PCID2: variants seen among roughly 807,000 people sequenced by gnomAD.
PCID2 encodes the protein PCI domain containing 2.
PCID2 carries 41 observed loss-of-function variants against 61.3 expected under a neutral mutation model. That is an observed-to-expected ratio of 0.67 (90% CI 0.52 to 0.87). The LOEUF (loss-of-function observed/expected upper bound fraction) is 0.87. Ranked by LOEUF, PCID2 falls within the 40% of genes least tolerant of loss-of-function variation. The pLI, the probability that PCID2 is intolerant of heterozygous loss-of-function variation, is 0.00. For missense variants in PCID2, 392 were observed against 493.4 expected, an observed-to-expected ratio of 0.79 and a Z score of 1.95; for synonymous variants, 187 against 177.8, an observed-to-expected ratio of 1.05 and a Z score of -0.41.
chr13:113,207,891 T>C lies in PCID2; in HGVS notation c.36+708A>G. Reference sequence around the variant, plus strand: ...TTGGTAATGTTTCCTTCAAATATTTTAAAAATCCATTCCCTATATTTCCTA... The same window carrying C: ...TTGGTAATGTTTCCTTCAAATATTTCAAAAATCCATTCCCTATATTTCCTA... On this transcript the variant is annotated intron_variant, in intron 1 of 13. Transcript: ENST00000337344. 3.6e-6 allele frequency: 3 copies of C among 822,874 alleles called. No homozygotes were observed. In the South Asian group the frequency reaches 4.3e-5, roughly 12 times the overall value. 51.0% of individuals were successfully genotyped at this position (822,874 alleles called of 1,614,324 possible). A position where few individuals can be genotyped will look rare whatever the true frequency, so the allele number is the denominator to read the frequency against.
At chr13:113,174,187 G>A (rs557211269), downstream of PCID2, among the ~76,000 whole-genome samples, 5 of 150,944 alleles carry the variant, frequency 3.3e-5, no homozygotes, top group Non-Finnish European at 7.4e-5. Context: ...GCAGTAAACC[G>A]AGATCATGCC....
Position 113,208,636 on chromosome 13 carries a change from G to C in PCID2, c.-2C>G. 3.7e-6 allele frequency: 6 copies of C among 1,607,446 alleles called. No homozygotes were observed. Among genetic ancestry groups the C allele is most frequent in the Admixed American group, 1.7e-5 (1 of 59,578 alleles). ...CTGGTTAATGGTAATGTGCGCCATG[G>C]GAGCGCCGCCGAACGGAGAGCGCCA... is the stretch of plus-strand genomic sequence containing the variant. On this transcript the variant is annotated 5_prime_UTR_variant, in exon 1 of 14. Transcript: ENST00000337344.
At position 113,194,107 on chromosome 13, in the gene PCID2, T is replaced by G. The variant is rs537412899; in HGVS notation, c.363+964A>C. Among the ~76,000 whole-genome samples the G allele has an allele frequency of 4.6e-5, 7 of 152,238 alleles. No homozygotes were observed. In the South Asian group the frequency reaches 1.5e-3, roughly 32 times the overall value. On this transcript the variant is annotated intron_variant, in intron 6 of 13. Coordinates refer to ENST00000337344, the MANE Select transcript of PCID2 (RefSeq NM_001127202.4). ...TAGGTCCCCTGCTTAGCCTCTGACA[T>G]CCACCTGGTGGGGAGGGGGACTAGC...
chr13:113,208,218 C>T lies in PCID2; in HGVS notation c.36+381G>A. 3.3e-6 allele frequency: 5 copies of T among 1,521,466 alleles called. No homozygotes were observed. In the South Asian group the frequency reaches 4.9e-5, roughly 15 times the overall value. The allele number at this position is 1,521,466 out of a possible 1,614,324, so 94.2% of individuals were successfully genotyped here. A position where few individuals can be genotyped will look rare whatever the true frequency, so the allele number is the denominator to read the frequency against. Reference sequence around the variant, plus strand: ...ATTCATCCCGCATCCTGCTGGGAAACAGCGTCCATCCGACACAGCACCGCC... The same window carrying T: ...ATTCATCCCGCATCCTGCTGGGAAATAGCGTCCATCCGACACAGCACCGCC... On this transcript the variant is annotated intron_variant, in intron 1 of 13. Transcript: ENST00000337344.
At chr13:113,195,482 G>A (rs1426615724) in intron 5 of PCID2, among the ~76,000 whole-genome samples, 1 of 152,148 alleles carries the variant, frequency 6.6e-6, no homozygotes, top group East Asian at 1.9e-4. Context: ...TTCCTAACAG[G>A]AACCAGAATA....
At position 113,197,163 on chromosome 13, in the gene PCID2, A is replaced by G; in HGVS notation, c.266+15T>C. 1 of 1,614,202 alleles carries G rather than the reference A, an allele frequency of 6.2e-7. No individual in the cohort carries two copies. The highest frequency in any genetic ancestry group is 8.5e-7 in the Non-Finnish European group (1 of 1,180,022). ...TGTTCTATGCGGGACAGCTGCCATG[A>G]ACGACAAAGGATATTGGACTATCAC... On this transcript the variant is annotated intron_variant, in intron 4 of 13. Transcript: ENST00000337344.
Position 113,177,997 on chromosome 13 carries a change from G to T in PCID2, c.*201C>A, listed in dbSNP as rs2037260427. The T allele has an allele frequency of 4.5e-6, 2 of 444,504 alleles. No homozygotes were observed. Among genetic ancestry groups the T allele is most frequent in the Admixed American group, 8.0e-5 (2 of 24,930 alleles). The allele number at this position is 444,504 out of a possible 1,614,324, so 27.5% of individuals were successfully genotyped here. A position where few individuals can be genotyped will look rare whatever the true frequency, so the allele number is the denominator to read the frequency against. On this transcript the variant is annotated 3_prime_UTR_variant, in exon 14 of 14. Coordinates refer to ENST00000337344, the MANE Select transcript of PCID2 (RefSeq NM_001127202.4). ...CGAGTCTGTGAAAAAGGAATTCCAG[G>T]TTTTCATCAGGCTGAAATTAGTTAC...
downstream of PCID2, among the ~76,000 whole-genome samples, chr13:113,175,987 C>T (rs2037178918): frequency 6.6e-6 from 1 of 152,226 alleles, no homozygotes; most frequent in Admixed American, 6.5e-5. Context: ...CAAAGAGGCC[C>T]ATTCGGGCCC....
chr13:113,168,418 C>T, the PCID2 span, among the ~76,000 whole-genome samples: 2 of 152,224 alleles, frequency 1.3e-5, no homozygotes, highest in Admixed American at 6.5e-5. Context: ...AAAGGCATTG[C>T]GTCTGGCGCA....
Position 113,177,928 on chromosome 13 carries a change from C to A in PCID2, c.*270G>T. ...AAAAGTGAGCCGAGCAGCCTTCACGCAAAGCCTCCTTCAAAGAAGTCTCAC... is the reference window on the plus strand; with the variant it reads ...AAAAGTGAGCCGAGCAGCCTTCACGAAAAGCCTCCTTCAAAGAAGTCTCAC... On this transcript the variant is annotated 3_prime_UTR_variant, in exon 14 of 14. Transcript: ENST00000337344. The A allele has an allele frequency of 3.5e-6, 1 of 288,612 alleles. No homozygotes were observed. The highest frequency in any genetic ancestry group is 6.6e-6 in the Non-Finnish European group (1 of 150,772). 17.9% of individuals were successfully genotyped at this position (288,612 alleles called of 1,614,324 possible).
downstream of PCID2, among the ~76,000 whole-genome samples, chr13:113,176,995 C>T (rs1352743673): frequency 6.6e-6 from 1 of 152,186 alleles, no homozygotes; most frequent in Non-Finnish European, 1.5e-5. Flanking sequence ...TGTGAGTGGC[C>T]CAACTTAGCG....
rs1205964845 is a variant in PCID2, at chr13:113,179,897, T to C, written c.986+20A>G. 1.2e-6 allele frequency: 2 copies of C among 1,605,822 alleles called. No individual in the cohort carries two copies. The highest frequency in any genetic ancestry group is 1.7e-6 in the Non-Finnish European group (2 of 1,175,426). On this transcript the variant is annotated intron_variant, in intron 12 of 13. Transcript: ENST00000337344. This position sits in a 1 kb window ranked among gnomAD's most constrained non-coding sequence, Gnocchi z 4.3. ...GCCGAGAGCCACACTGGGAGCCCAA[T>C]GTGCCGGGGAAATGCTTACACTTTC...
At chr13:113,203,530 T>G (rs571229988) in intron 1 of PCID2, among the ~76,000 whole-genome samples, 1 of 152,256 alleles carries the variant, frequency 6.6e-6, no homozygotes, top group African/African-American at 2.4e-5. Flanking sequence ...ATGCTACAGA[T>G]CAGTATTTTG....
intron 1 of PCID2, among the ~76,000 whole-genome samples, chr13:113,205,198 T>C (rs901652132): frequency 6.6e-6 from 1 of 152,172 alleles, no homozygotes; most frequent in Admixed American, 6.5e-5. Context: ...AGTATCTAAC[T>C]CAAAGCTGAT....
intron 1 of PCID2, among the ~76,000 whole-genome samples, chr13:113,200,941 A>G (rs1298739409): frequency 2.0e-5 from 3 of 152,144 alleles, no homozygotes; most frequent in African/African-American, 7.2e-5. Context: ...ACAAAAACAG[A>G]TGTTCCTGAA....
At chr13:113,192,436 G>C (rs191620861) in intron 6 of PCID2, among the ~76,000 whole-genome samples, 2 of 142,742 alleles carry the variant, frequency 1.4e-5, no homozygotes, top group Admixed American at 1.5e-4. Flanking sequence ...GCTGTGAGCT[G>C]AACTAGCTGC....
At chr13:113,200,034 C>T (rs1203295348) in intron 2 of PCID2, among the ~76,000 whole-genome samples, 1 of 152,248 alleles carries the variant, frequency 6.6e-6, no homozygotes, top group East Asian at 1.9e-4. Flanking sequence ...ACTCCATGTA[C>T]AACCCCAGGC....
intron 9 of PCID2, among the ~76,000 whole-genome samples, chr13:113,183,113 CAGA>C (rs1244647406): frequency 6.6e-6 from 1 of 152,132 alleles, no homozygotes; most frequent in East Asian, 1.9e-4. Flanking sequence ...AGCTACAAGG[CAGA>C]AGATCTATGG....
At chr13:113,174,053 T>C (rs1206346720), downstream of PCID2, among the ~76,000 whole-genome samples, 1 of 147,652 alleles carries the variant, frequency 6.8e-6, no homozygotes, top group Non-Finnish European at 1.5e-5. Flanking sequence ...ATGGTGAAAC[T>C]CCATCTCTAC....
Sources: gnomAD v4.1 joint callset for allele counts (sites outside exome capture counted in the v4.1 genomes callset) on GRCh38, gnomAD v4.1.1 for gene constraint, Gnocchi (gnomAD v3.1) non-coding constraint, MANE v1.5 for transcripts, NCBI Gene and HGNC (gene_info 2026-07-23, HGNC 2026-07-21) for gene names.